Variants in DPP8 observed in about 807,000 individuals in gnomAD.
The protein encoded by DPP8 is dipeptidyl peptidase 8, also known as DPP VIII.
Under a neutral mutation model 107.5 loss-of-function variants are expected in DPP8, and 31 were observed. That is an observed-to-expected ratio of 0.29 (90% CI 0.22 to 0.39). The LOEUF is 0.39. DPP8 is among the 10% of genes least tolerant of loss of function. The probability of loss-of-function intolerance (pLI) is 1.00; values close to 1 mark genes in which losing one functional copy is unlikely to be tolerated. For missense variants in DPP8, 842 were observed against 1,076.1 expected, an observed-to-expected ratio of 0.78 and a Z score of 3.04; for synonymous variants, 381 against 356.6, an observed-to-expected ratio of 1.07 and a Z score of -0.77.
chr15:65,488,717 T>A (rs1262674898), intron 6 of DPP8, among the ~76,000 whole-genome samples: 1 of 152,142 alleles, frequency 6.6e-6, no homozygotes, highest in Admixed American at 6.6e-5. Context: ...TTTTCAGTTT[T>A]ATCTATACAG....
intron 9 of DPP8, 27 bp downstream of exon 9, chr15:65,481,488 A>C: frequency 7.1e-7 from 1 of 1,417,652 alleles, no homozygotes; most frequent in South Asian, 1.2e-5. Flanking sequence ...AATTAGTTAT[A>C]AAGAAGTAAC....
At chr15:65,480,959 T>C (rs2140751200) in intron 9 of DPP8, among the ~76,000 whole-genome samples, 2 of 152,074 alleles carry the variant, frequency 1.3e-5, no homozygotes, top group East Asian at 3.9e-4. Flanking sequence ...TAGCTGGACA[T>C]GGTGGCATGT....
intron 3 of DPP8, among the ~76,000 whole-genome samples, chr15:65,502,340 A>G (rs6494522): frequency 1 from 151,819 of 151,912 alleles, 75,863 homozygotes; most frequent in Middle Eastern, 1. Context: ...AATCTCTGTG[A>G]TTTTCTTTTC....
intron 3 of DPP8, among the ~76,000 whole-genome samples, chr15:65,504,322 C>T (rs1342598134): frequency 1.4e-5 from 2 of 143,302 alleles, no homozygotes; most frequent in Non-Finnish European, 3.0e-5. Flanking sequence ...GAGATCGTGC[C>T]ATTGCACTCC....
intron 5 of DPP8, among the ~76,000 whole-genome samples, chr15:65,491,742 A>AT (rs1349687974): frequency 6.6e-5 from 10 of 152,016 alleles, no homozygotes; most frequent in Middle Eastern, 3.4e-3. Context: ...TGCTATGAAC[A>AT]TTTTTTTTGA....
At chr15:65,455,963 T>C (rs1236539499) in intron 16 of DPP8, 12 of 906,474 alleles carry the variant, frequency 1.3e-5, no homozygotes, top group Non-Finnish European at 1.9e-5. Context: ...AGCTAAATGG[T>C]GCTAAATTCT....
chr15:65,456,287 T>A lies in DPP8; in HGVS notation c.2056A>T (p.Ile686Leu). ...CGGTGACAGGATCCCCTGTTGTCTA[T>A]CACTACAACCACATAACCTAGAGAG... The part of the protein sequence containing the change: ...LASLGYVVVV[I>L]DNRGSCHRGL... Residue 686 changes from isoleucine (I) to leucine (L), a missense_variant, in exon 16 of 20, where the codon ATA (isoleucine) becomes TTA (leucine). Physicochemically the swap from Ile to Leu is conservative, Grantham distance 5. This residue lies in a region of DPP8 where 179 missense variants were observed against 318.0 expected (regional missense o/e 0.56). Coordinates refer to ENST00000300141, the MANE Select transcript of DPP8 (RefSeq NM_130434.5). 6.2e-7 allele frequency: 1 copy of A among 1,614,120 alleles called. No homozygotes were observed. Among genetic ancestry groups the A allele is most frequent in the Non-Finnish European group, 8.5e-7 (1 of 1,180,002 alleles).
intron 2 of DPP8, among the ~76,000 whole-genome samples, chr15:65,511,323 CA>C (rs2070739514): frequency 6.6e-6 from 1 of 151,268 alleles, no homozygotes; most frequent in Non-Finnish European, 1.5e-5. Context: ...TCCATCTCTA[CA>C]AAAAAATTCA....
intron 4 of DPP8, among the ~76,000 whole-genome samples, chr15:65,499,105 G>GTGTGTGTTTGTGTGTGTGTGTATA (rs1555468189): frequency 0.011 from 1,542 of 138,812 alleles, 37 homozygotes; most frequent in African/African-American, 0.039. Flanking sequence ...GTGTGTGTGT[G>GTGTGTGTTTGTGTGTGTGTGTATA]TATATATAAA....
chr15:65,480,336 T>C lies in DPP8; in HGVS notation c.1182A>G (p.Glu394=), dbSNP rs1203399099. 1 of 1,612,944 alleles carries C rather than the reference T, an allele frequency of 6.2e-7. No homozygotes were observed. The highest frequency in any genetic ancestry group is 8.5e-7 in the Non-Finnish European group (1 of 1,179,628). The stretch of plus-strand genomic sequence containing the variant: ...CATCATCTTCTACTGGGATAAATAA[T>C]TCAGGTGAGATCAACACTATCTGTA... ...TRLQIVLISP[E]LFIPVEDDVM... is the part of the protein sequence containing the mutation. The change falls in exon 10 of 20, where the codon GAA becomes GAG. Residue 394 remains glutamate, a synonymous_variant. Coordinates refer to ENST00000300141, the MANE Select transcript of DPP8 (RefSeq NM_130434.5).
chr15:65,455,906 G>T, intron 16 of DPP8: 1 of 1,193,090 alleles, frequency 8.4e-7, no homozygotes, highest in Non-Finnish European at 1.1e-6. Flanking sequence ...CTTCACAGAG[G>T]ACAGAACAAA....
chr15:65,510,818 T>C (rs750595901), intron 2 of DPP8, among the ~76,000 whole-genome samples: 6 of 152,160 alleles, frequency 3.9e-5, no homozygotes, highest in Non-Finnish European at 7.4e-5. Context: ...GGAATACAGG[T>C]GTGTGCCACT....
At chr15:65,482,044 A>G (rs76404915) in intron 8 of DPP8, among the ~76,000 whole-genome samples, 1 of 151,334 alleles carries the variant, frequency 6.6e-6, no homozygotes, top group South Asian at 2.1e-4. Flanking sequence ...ATATATATAT[A>G]TTTTTTGAGA....
intron 15 of DPP8, among the ~76,000 whole-genome samples, chr15:65,460,642 A>T (rs551125570): frequency 6.6e-6 from 1 of 152,338 alleles, no homozygotes; most frequent in South Asian, 2.1e-4. Flanking sequence ...CATCAGTGTT[A>T]TACTATATGT....
At chr15:65,508,785 G>C (rs946666124) in intron 2 of DPP8, among the ~76,000 whole-genome samples, 23 of 152,044 alleles carry the variant, frequency 1.5e-4, no homozygotes, top group Non-Finnish European at 2.9e-4. Flanking sequence ...CCGGGAGGCA[G>C]AGGTTGCAAT....
At chr15:65,496,798 G>A (rs746419079) in intron 5 of DPP8, among the ~76,000 whole-genome samples, 9 of 150,732 alleles carry the variant, frequency 6.0e-5, no homozygotes, top group Non-Finnish European at 1.0e-4. Context: ...CTACTGGCAC[G>A]TGCCACCACA....
At chr15:65,480,721 C>T (rs1313053257) in intron 9 of DPP8, among the ~76,000 whole-genome samples, 1 of 152,096 alleles carries the variant, frequency 6.6e-6, no homozygotes, top group African/African-American at 2.4e-5. Context: ...CTGCTTGAGG[C>T]CAGGATTTCG....
rs771438858 is a variant in DPP8 at position 65,487,790 on chromosome 15, A to G, written c.855T>C (p.Ile285=). Residue 285 remains isoleucine (I), a synonymous_variant, in exon 7 of 20, where the codon ATT becomes ATC. Coordinates refer to ENST00000300141, the MANE Select transcript of DPP8 (RefSeq NM_130434.5). The part of the protein sequence containing the change: ...TTPSGGKILR[I]LYEENDESEV... The stretch of plus-strand genomic sequence containing the variant: ...CAGATTCATCATTTTCTTCATATAG[A>G]ATTCTAAGAATTTTACCACCACTGG... 3 of 1,574,564 alleles carry G rather than the reference A, an allele frequency of 1.9e-6. 1 individual carries two copies. In the Admixed American group the frequency reaches 5.2e-5, roughly 27 times the overall value.
At chr15:65,454,184 A>G in intron 17 of DPP8, 79 bp downstream of exon 17, 2 of 1,189,110 alleles carry the variant, frequency 1.7e-6, no homozygotes. Flanking sequence ...CCTTCAGAAA[A>G]TAGACATTTT....
Sources: allele counts gnomAD v4.1 joint callset (sites outside exome capture counted in the v4.1 genomes callset), GRCh38; gene constraint gnomAD v4.1.1; regional missense constraint gnomAD v4.1.1; transcripts MANE v1.5; gene names NCBI Gene and HGNC (gene_info 2026-07-23, HGNC 2026-07-21).